Variants in FHIT observed in about 807,000 individuals in gnomAD.
FHIT encodes fragile histidine triad diadenosine triphosphatase, also known as bis(5'-adenosyl)-triphosphatase.
In FHIT, 19 loss-of-function variants were observed where a neutral mutation model predicts 17.9. The observed-to-expected ratio is 1.06, with a 90% confidence interval of 0.74 to 1.56. The LOEUF is 1.56. Ranked by LOEUF, FHIT falls within the 40% of genes most tolerant of loss-of-function variation. The probability of loss-of-function intolerance (pLI) is 0.00; values close to 1 mark genes in which losing one functional copy is unlikely to be tolerated. For missense variants in FHIT, 248 were observed against 189.2 expected (o/e 1.31, Z -1.82); for synonymous variants, 81 against 69.7 (o/e 1.16, Z -0.81).
chr3:60,584,379 T>A (rs1212892202), intron 4 of FHIT, among the ~76,000 whole-genome samples: 1 of 152,006 alleles, frequency 6.6e-6, no homozygotes, highest in Non-Finnish European at 1.5e-5. Context: ...TCCTCTTAGA[T>A]CTGTTTTACA....
At chr3:60,907,958 G>A (rs1706523218) in intron 3 of FHIT, among the ~76,000 whole-genome samples, 1 of 152,194 alleles carries the variant, frequency 6.6e-6, no homozygotes, top group Admixed American at 6.5e-5. Flanking sequence ...AGTAAGTGGA[G>A]TAGCTGGAAT....
intron 2 of FHIT, among the ~76,000 whole-genome samples, chr3:61,067,067 G>T (rs563903014): frequency 2.0e-5 from 3 of 152,202 alleles, no homozygotes; most frequent in Non-Finnish European, 4.4e-5. Flanking sequence ...CAGAATAGTA[G>T]ATGTACAGCA....
intron 3 of FHIT, among the ~76,000 whole-genome samples, chr3:60,879,516 A>T (rs1333063126): frequency 6.6e-6 from 1 of 152,224 alleles, no homozygotes; most frequent in African/African-American, 2.4e-5. Flanking sequence ...ATGAAAAAGC[A>T]AAGAAATATG....
At chr3:60,140,489 T>G (rs943609328) in intron 5 of FHIT, among the ~76,000 whole-genome samples, 9 of 151,906 alleles carry the variant, frequency 5.9e-5, no homozygotes, top group Non-Finnish European at 5.9e-5. Context: ...TAACATTGTA[T>G]GGCCAATGAC....
At chr3:59,804,168 G>C (rs1319774006) in intron 8 of FHIT, among the ~76,000 whole-genome samples, 1 of 152,198 alleles carries the variant, frequency 6.6e-6, no homozygotes, top group African/African-American at 2.4e-5. Flanking sequence ...CCTTGTCTCT[G>C]GTTCATTTGA....
At chr3:60,174,774 T>C (rs1406227334) in intron 5 of FHIT, among the ~76,000 whole-genome samples, 2 of 152,156 alleles carry the variant, frequency 1.3e-5, no homozygotes, top group Non-Finnish European at 2.9e-5. Context: ...AGCATTTTCA[T>C]CATCCTAAAA....
At chr3:60,546,710 G>A (rs1414073912) in intron 4 of FHIT, among the ~76,000 whole-genome samples, 2 of 152,066 alleles carry the variant, frequency 1.3e-5, no homozygotes, top group African/African-American at 2.4e-5. Flanking sequence ...ACTTTTGAGT[G>A]GATAAAGAGT....
rs182814883 is a variant in FHIT at position 60,598,553 on chromosome 3, T to C, written c.-17-61574A>G. Among the ~76,000 whole-genome samples the C allele has an allele frequency of 3.1e-4, 47 of 152,280 alleles. 1 individual carries two copies. The highest frequency in any genetic ancestry group is 7.8e-4 in the Admixed American group (12 of 15,290). On this transcript the variant is annotated intron_variant, in intron 4 of 9. Transcript: ENST00000492590. ...GCAAGAGCAAAGAAAAGCAACTGCA[T>C]TTTAAAAGTTTAATTAGAAGTAAAA...
At chr3:59,821,075 C>G (rs142148288) in intron 8 of FHIT, among the ~76,000 whole-genome samples, 236 of 152,192 alleles carry the variant, frequency 1.6e-3, no homozygotes, top group African/African-American at 5.3e-3. Context: ...GTCTAATATT[C>G]AGGAGAGAGG....
At chr3:60,377,931 G>A (rs1334846219) in intron 5 of FHIT, among the ~76,000 whole-genome samples, 3 of 152,168 alleles carry the variant, frequency 2.0e-5, no homozygotes, top group Non-Finnish European at 4.4e-5. Flanking sequence ...CTAATGATTA[G>A]GACAATTAAT....
At chr3:59,892,272 T>C (rs984693620) in intron 8 of FHIT, among the ~76,000 whole-genome samples, 3 of 152,204 alleles carry the variant, frequency 2.0e-5, no homozygotes, top group African/African-American at 2.4e-5. Context: ...CAAATTGCGC[T>C]CAGGAGTCCA....
chr3:60,330,076 A>T (rs1430531686), intron 5 of FHIT, among the ~76,000 whole-genome samples: 1 of 152,152 alleles, frequency 6.6e-6, no homozygotes, highest in African/African-American at 2.4e-5. Context: ...TCACCAATAC[A>T]TTTAGCAAAT....
At chr3:60,763,691 T>A (rs1188966143) in intron 4 of FHIT, among the ~76,000 whole-genome samples, 1 of 152,188 alleles carries the variant, frequency 6.6e-6, no homozygotes, top group African/African-American at 2.4e-5. Context: ...TGGAGTGTGA[T>A]CAGGTAACCC....
chr3:59,814,894 AT>A (rs1015641722), intron 8 of FHIT, among the ~76,000 whole-genome samples: 1 of 152,208 alleles, frequency 6.6e-6, no homozygotes, highest in African/African-American at 2.4e-5. Context: ...ATGAAAAAAA[AT>A]ATAAGATCAT....
chr3:60,964,217 G>A (rs1709600962), intron 3 of FHIT, among the ~76,000 whole-genome samples: 2 of 150,660 alleles, frequency 1.3e-5, no homozygotes, highest in South Asian at 4.2e-4. Context: ...ATCTTTGTTG[G>A]TTTAAAGTCT....
chr3:61,015,030 A>T (rs949384609), intron 3 of FHIT, among the ~76,000 whole-genome samples: 2 of 151,812 alleles, frequency 1.3e-5, no homozygotes, highest in Admixed American at 6.6e-5. Context: ...GTTACTAGAT[A>T]AGGTACTTTT....
In FHIT at chr3:59,747,396, T is replaced by G. The variant is rs78136273; in HGVS notation, c.*2189A>C. 6.6e-6 allele frequency among the ~76,000 whole-genome samples: 1 copy of G among 152,038 alleles called. No homozygotes were observed. Among genetic ancestry groups the G allele is most frequent in the African/African-American group, 2.4e-5 (1 of 41,408 alleles). On this transcript the variant is annotated 3_prime_UTR_variant, in exon 10 of 10. Coordinates refer to ENST00000492590, the MANE Select transcript of FHIT (RefSeq NM_002012.4). ...GCGTATTCAGGGGAAATGTCCTTTATAAAACCATCACTATCAATCATGAGA... is the reference window on the plus strand; with the variant it reads ...GCGTATTCAGGGGAAATGTCCTTTAGAAAACCATCACTATCAATCATGAGA...
At chr3:61,239,937 T>C (rs747116569) in intron 1 of FHIT, among the ~76,000 whole-genome samples, 20 of 152,070 alleles carry the variant, frequency 1.3e-4, no homozygotes, top group Non-Finnish European at 2.2e-4. Context: ...CAAACACTTC[T>C]GGCCTCACCA....
At chr3:61,008,262 G>T (rs184405345) in intron 3 of FHIT, among the ~76,000 whole-genome samples, 1 of 152,364 alleles carries the variant, frequency 6.6e-6, no homozygotes, top group African/African-American at 2.4e-5. Context: ...ATAAGCACAA[G>T]TTGGGGATGG....
Sources: gnomAD v4.1 joint callset for allele counts (sites outside exome capture counted in the v4.1 genomes callset) on GRCh38, gnomAD v4.1.1 for gene constraint, MANE v1.5 for transcripts, NCBI Gene and HGNC (gene_info 2026-07-23, HGNC 2026-07-21) for gene names.